IL18BP: variants seen among roughly 807,000 people sequenced by gnomAD.
IL18BP encodes the protein interleukin 18 binding protein, also known as interleukin-18-binding protein.
IL18BP carries 23 observed loss-of-function variants against 19.9 expected under a neutral mutation model. The observed-to-expected ratio is 1.15, with a 90% CI of 0.83 to 1.64. The LOEUF (loss-of-function observed/expected upper bound fraction) is 1.64, where lower values mean the gene tolerates loss of function less well. Among genes scored for constraint, IL18BP ranks in the 40% most tolerant of loss-of-function variants. IL18BP has a pLI of 0.00. For missense variants in IL18BP, 239 were observed against 240.7 expected (o/e 0.99, Z 0.05); for synonymous variants, 107 against 101.0 (o/e 1.06, Z -0.35).
At chr11:72,007,774 C>T (rs1429730460), downstream of IL18BP, 2 of 383,556 alleles carry the variant, frequency 5.2e-6, no homozygotes, top group South Asian at 2.4e-5. Flanking sequence ...TGAATAGGAA[C>T]GCCCCCCACT....
downstream of IL18BP, chr11:72,003,565 G>C: frequency 6.2e-7 from 1 of 1,614,076 alleles, no homozygotes; most frequent in Non-Finnish European, 8.5e-7. Context: ...CACATGGCCA[G>C]ATGAGAACTT....
At chr11:72,000,683 C>A in intron 3 of IL18BP, 126 bp downstream of exon 3, 1 of 742,114 alleles carries the variant, frequency 1.3e-6, no homozygotes, top group Non-Finnish European at 2.3e-6. Flanking sequence ...GAGCACGCAC[C>A]ATTCTCCCTC....
chr11:72,000,287 C>G, intron 2 of IL18BP, 64 bp from the exon 3 acceptor site: 1 of 1,428,614 alleles, frequency 7.0e-7, no homozygotes. Flanking sequence ...GCTGGAGTTA[C>G]ATCCTTACCC....
downstream of IL18BP, chr11:72,003,655 C>G: frequency 7.3e-7 from 1 of 1,367,224 alleles, no homozygotes; most frequent in African/African-American, 1.4e-5. Flanking sequence ...CCCTTGTGAG[C>G]CCCAGGGTTA....
At chr11:72,004,865 G>A, downstream of IL18BP, 1 of 1,500,344 alleles carries the variant, frequency 6.7e-7, no homozygotes, top group African/African-American at 1.4e-5. Flanking sequence ...TATGGAGATG[G>A]AGGAGGACCT....
At chr11:72,004,133 A>G (rs546054346), downstream of IL18BP, 2 of 1,611,996 alleles carry the variant, frequency 1.2e-6, no homozygotes, top group African/African-American at 2.7e-5. Context: ...GGGAGACCCA[A>G]TGCTGCCTTC....
chr11:72,005,219 A>T (rs757631761), downstream of IL18BP: 25 of 1,572,768 alleles, frequency 1.6e-5, no homozygotes, highest in Admixed American at 2.3e-4. Flanking sequence ...CTGCACAGTG[A>T]CCCCAGGCCT....
chr11:72,005,782 C>T (rs1178497889), downstream of IL18BP: 5 of 544,896 alleles, frequency 9.2e-6, no homozygotes, highest in African/African-American at 1.9e-5. Context: ...TGGAGGACTC[C>T]CCACAGCTAA....
downstream of IL18BP, chr11:72,005,887 T>C (rs953855781): frequency 2.9e-6 from 2 of 691,056 alleles, no homozygotes; most frequent in African/African-American, 3.6e-5. Context: ...AGGAAGGCCC[T>C]GAGGCTGCAG....
At chr11:72,007,526 C>T (rs1187014719), downstream of IL18BP, 8 of 1,497,526 alleles carry the variant, frequency 5.3e-6, no homozygotes, top group Non-Finnish European at 7.2e-6. Flanking sequence ...CCCATCCTTA[C>T]TACAAGCAGA....
Position 72,002,012 on chromosome 11 carries a change from A to G in IL18BP, c.*151A>G. Reference sequence around the variant, plus strand: ...TGCTTTGGGTCCCTTCTCTCACCAAATTCAAACTCCATTCCCACCTACCTA... The same window carrying G: ...TGCTTTGGGTCCCTTCTCTCACCAAGTTCAAACTCCATTCCCACCTACCTA... On this transcript the variant is annotated 3_prime_UTR_variant, in exon 6 of 6. Coordinates refer to ENST00000393703, the MANE Select transcript of IL18BP (RefSeq NM_001039660.2). 6 of 1,142,164 alleles carry G rather than the reference A, an allele frequency of 5.3e-6. No individual in the cohort carries two copies. The South Asian group carries it at 7.8e-5, about 15-fold the overall frequency. 70.8% of individuals were successfully genotyped at this position (1,142,164 alleles called of 1,614,324 possible). A position where few individuals can be genotyped will look rare whatever the true frequency, so the allele number is the denominator to read the frequency against.
downstream of IL18BP, chr11:72,006,324 A>G (rs747664267): frequency 4.9e-5 from 71 of 1,456,664 alleles, no homozygotes; most frequent in Non-Finnish European, 6.5e-5. Context: ...GAAGCTTCCC[A>G]TTCCCTTCCG....
downstream of IL18BP, chr11:72,007,717 A>G: frequency 2.1e-6 from 1 of 482,678 alleles, no homozygotes; most frequent in Non-Finnish European, 3.7e-6. Context: ...AACACGTCCC[A>G]ATCTAAGCCC....
downstream of IL18BP, chr11:72,007,379 G>A: frequency 6.2e-7 from 1 of 1,613,838 alleles, no homozygotes; most frequent in Non-Finnish European, 8.5e-7. Context: ...CTGGGAGATA[G>A]GTGAGGCTGG....
At chr11:72,006,256 T>C, downstream of IL18BP, 2 of 1,613,780 alleles carry the variant, frequency 1.2e-6, no homozygotes, top group Non-Finnish European at 1.7e-6. Flanking sequence ...CTCTTCCACA[T>C]CTAGCTTCTG....
In IL18BP at chr11:72,001,570, A is replaced by G. The variant is rs1955241408; in HGVS notation, c.507+18A>G. 3.7e-6 allele frequency: 6 copies of G among 1,608,048 alleles called. No individual in the cohort carries two copies. The highest frequency in any genetic ancestry group is 2.2e-5 in the East Asian group (1 of 44,534). ...AGCTCTGGGTGAGGAGCCCAAGGAG[A>G]GGCCTCCAGGAACAGGAGGAGCTCT... is the stretch of plus-strand genomic sequence containing the variant. On this transcript the variant is annotated intron_variant, in intron 5 of 5. Transcript: ENST00000393703.
downstream of IL18BP, chr11:72,003,371 G>A: frequency 1.3e-6 from 1 of 742,050 alleles, no homozygotes; most frequent in Non-Finnish European, 2.4e-6. Flanking sequence ...AAGGACCAGG[G>A]ACCAGGCCAG....
At chr11:72,005,191 G>A (rs1169019748), downstream of IL18BP, 9 of 1,531,666 alleles carry the variant, frequency 5.9e-6, no homozygotes, top group South Asian at 8.8e-5. Context: ...TTCCAAGGGA[G>A]GGCAGGGATG....
intron 5 of IL18BP, 76 bp from the exon 6 acceptor site, chr11:72,001,708 A>T (rs1281232095): frequency 1.9e-5 from 30 of 1,612,648 alleles, no homozygotes; most frequent in Admixed American, 8.3e-5. Flanking sequence ...TGGGCAGAGG[A>T]GGTGTAGCCT....
Sources: gnomAD v4.1 joint callset for allele counts on GRCh38, gnomAD v4.1.1 for gene constraint, MANE v1.5 for transcripts, NCBI Gene and HGNC (gene_info 2026-07-23, HGNC 2026-07-21) for gene names.